Variants in RHOBTB1 observed in about 807,000 individuals in gnomAD.
RHOBTB1 encodes Rho related BTB domain containing 1.
In RHOBTB1, 40 loss-of-function variants were observed where a neutral mutation model predicts 71.6. That is an observed-to-expected ratio of 0.56 (90% CI 0.43 to 0.73). The LOEUF (loss-of-function observed/expected upper bound fraction) is 0.73. Ranked by LOEUF, RHOBTB1 falls within the 30% of genes least tolerant of loss-of-function variation. The pLI is 0.00. For synonymous variants in RHOBTB1, 319 were observed against 334.9 expected, an observed-to-expected ratio of 0.95 and a Z score of 0.52; for missense variants, 797 against 894.0, an observed-to-expected ratio of 0.89 and a Z score of 1.38.
chr10:60,972,522 C>G (rs561228859), intron 2 of RHOBTB1, among the ~76,000 whole-genome samples: 1 of 152,164 alleles, frequency 6.6e-6, no homozygotes, highest in Non-Finnish European at 1.5e-5. Context: ...ACATCACACA[C>G]TGGGGCCTGT....
intron 8 of RHOBTB1, among the ~76,000 whole-genome samples, chr10:60,876,674 A>G (rs1415339595): frequency 2.0e-5 from 3 of 152,142 alleles, no homozygotes; most frequent in Non-Finnish European, 4.4e-5. Context: ...AAACTAGTGC[A>G]CTCATTTGGA....
chr10:60,904,318 T>C (rs1181889250), intron 4 of RHOBTB1, among the ~76,000 whole-genome samples: 1 of 152,224 alleles, frequency 6.6e-6, no homozygotes, highest in African/African-American at 2.4e-5. Flanking sequence ...TATTGTTTAA[T>C]TTGATTAATT....
At chr10:60,984,652 T>C (rs773252697) in intron 2 of RHOBTB1, among the ~76,000 whole-genome samples, 23 of 152,176 alleles carry the variant, frequency 1.5e-4, no homozygotes, top group Non-Finnish European at 3.2e-4. Context: ...GATCAGCAAA[T>C]TTTATTCTTT....
intron 2 of RHOBTB1, among the ~76,000 whole-genome samples, chr10:60,963,935 A>G (rs879263500): frequency 1.4e-4 from 21 of 152,118 alleles, no homozygotes; most frequent in Non-Finnish European, 1.6e-4. Context: ...TTTCAAAATG[A>G]ATTTCCAACT....
At chr10:60,927,744 C>T (rs1328841913) in intron 2 of RHOBTB1, among the ~76,000 whole-genome samples, 1 of 152,062 alleles carries the variant, frequency 6.6e-6, no homozygotes, top group Non-Finnish European at 1.5e-5. Flanking sequence ...TATCTAAGAC[C>T]TCAAACGATG....
At chr10:60,887,810 G>T (rs2081661967) in intron 6 of RHOBTB1, among the ~76,000 whole-genome samples, 1 of 152,182 alleles carries the variant, frequency 6.6e-6, no homozygotes, top group African/African-American at 2.4e-5. Flanking sequence ...GATTCTGAAG[G>T]GGAATTGTAT....
chr10:60,936,834 T>A (rs899417928), intron 2 of RHOBTB1, among the ~76,000 whole-genome samples: 2 of 152,318 alleles, frequency 1.3e-5, no homozygotes, highest in Non-Finnish European at 1.5e-5. Flanking sequence ...TTACATATAA[T>A]CAATTTGAGA....
chr10:60,864,082 A>T, the RHOBTB1 span, among the ~76,000 whole-genome samples: 1 of 152,136 alleles, frequency 6.6e-6, no homozygotes, highest in Non-Finnish European at 1.5e-5. Context: ...TTTACTCCAG[A>T]TCACCCCTTG....
intron 2 of RHOBTB1, among the ~76,000 whole-genome samples, chr10:60,972,428 C>T (rs1017874898): frequency 2.0e-5 from 3 of 152,190 alleles, no homozygotes; most frequent in African/African-American, 7.2e-5. Flanking sequence ...AGCAAACTAA[C>T]ACAGGAACAG....
At chr10:60,977,260 A>G (rs1038668006) in intron 2 of RHOBTB1, among the ~76,000 whole-genome samples, 1 of 152,052 alleles carries the variant, frequency 6.6e-6, no homozygotes, top group Non-Finnish European at 1.5e-5. Flanking sequence ...ACTTTCAAAG[A>G]AGCAATTTTA....
chr10:60,945,997 G>A (rs1343881071), upstream of RHOBTB1, among the ~76,000 whole-genome samples: 2 of 152,208 alleles, frequency 1.3e-5, no homozygotes, highest in Non-Finnish European at 2.9e-5. Context: ...GGCCAACATG[G>A]TAAAACCCCG....
intron 2 of RHOBTB1, among the ~76,000 whole-genome samples, chr10:60,959,772 T>C (rs1180929613): frequency 1.3e-5 from 2 of 152,116 alleles, no homozygotes; most frequent in South Asian, 2.1e-4. Flanking sequence ...TTGGAATGAA[T>C]CAGAACTGAG....
intron 2 of RHOBTB1, among the ~76,000 whole-genome samples, chr10:60,978,985 C>G (rs77972797): frequency 0.023 from 3,446 of 152,104 alleles, 135 homozygotes; most frequent in African/African-American, 0.078. Flanking sequence ...AAATCTCCCC[C>G]TATGTATCAT....
chr10:60,888,010 T>C (rs1032893863), intron 6 of RHOBTB1, among the ~76,000 whole-genome samples: 4 of 152,172 alleles, frequency 2.6e-5, no homozygotes, highest in Non-Finnish European at 5.9e-5. Flanking sequence ...TTTCTCCACC[T>C]GCAAAATGGA....
downstream of RHOBTB1, among the ~76,000 whole-genome samples, chr10:60,864,872 C>T: frequency 6.6e-6 from 1 of 151,984 alleles, no homozygotes; most frequent in South Asian, 2.1e-4. Context: ...TGTACTTTTG[C>T]TAGAGATGGG....
intron 2 of RHOBTB1, among the ~76,000 whole-genome samples, chr10:60,970,179 T>C (rs1180008802): frequency 6.6e-6 from 1 of 152,140 alleles, no homozygotes; most frequent in Non-Finnish European, 1.5e-5. Flanking sequence ...AATAGCAACC[T>C]TTCTGTCAAT....
chr10:60,902,246 T>C (rs1365000730), intron 4 of RHOBTB1, among the ~76,000 whole-genome samples: 1 of 152,216 alleles, frequency 6.6e-6, no homozygotes, highest in Non-Finnish European at 1.5e-5. Flanking sequence ...ATTCTATGCT[T>C]GAGTTCTTTA....
At chr10:60,891,665 A>T (rs1030749075) in intron 5 of RHOBTB1, among the ~76,000 whole-genome samples, 1 of 152,016 alleles carries the variant, frequency 6.6e-6, no homozygotes, top group African/African-American at 2.4e-5. Context: ...GGGTATTAAT[A>T]TCAAAATTTT....
chr10:60,911,020 C>A, intron 3 of RHOBTB1, 30 bp from the exon 4 acceptor site: 1 of 1,579,640 alleles, frequency 6.3e-7, no homozygotes, highest in East Asian at 2.2e-5. Flanking sequence ...CATCTGTGCT[C>A]GGTGTCAGTC....
Sources: gnomAD v4.1 joint callset for allele counts (sites outside exome capture counted in the v4.1 genomes callset) on GRCh38, gnomAD v4.1.1 for gene constraint, MANE v1.5 for transcripts, NCBI Gene and HGNC (gene_info 2026-07-23, HGNC 2026-07-21) for gene names.